DLGAP2: variants seen among roughly 807,000 people sequenced by gnomAD.
DLGAP2 encodes disks large-associated protein 2.
In DLGAP2, 26 loss-of-function variants were observed where a neutral mutation model predicts 100.3. The observed-to-expected ratio is 0.26, with a 90% CI of 0.19 to 0.36. The LOEUF (loss-of-function observed/expected upper bound fraction) is 0.36. DLGAP2 is among the 10% of genes least tolerant of loss of function. The pLI is 1.00. For missense variants in DLGAP2, 1,858 were observed against 1,453.2 expected, an observed-to-expected ratio of 1.28 and a Z score of -4.53; for synonymous variants, 886 against 630.1, an observed-to-expected ratio of 1.41 and a Z score of -6.08.
At chr8:1,546,156 G>A (rs1429832512) in intron 4 of DLGAP2, among the ~76,000 whole-genome samples, 1 of 152,134 alleles carries the variant, frequency 6.6e-6, no homozygotes, top group Non-Finnish European at 1.5e-5. Context: ...TTTGAGAAAG[G>A]AAGACGCCGC....
At chr8:1,184,856 C>G (rs1432444190) in intron 2 of DLGAP2, among the ~76,000 whole-genome samples, 1 of 152,154 alleles carries the variant, frequency 6.6e-6, no homozygotes, top group Non-Finnish European at 1.5e-5. Context: ...AATCTCCATG[C>G]CAGTTAAGGA....
chr8:1,479,632 A>G (rs534910317), intron 3 of DLGAP2, among the ~76,000 whole-genome samples: 2 of 152,194 alleles, frequency 1.3e-5, no homozygotes, highest in African/African-American at 2.4e-5. Flanking sequence ...TTGCTCTTTC[A>G]TTTCGGTGAG....
chr8:1,623,575 CCTGACACCAGTGTGT>C (rs1797409366), intron 6 of DLGAP2, among the ~76,000 whole-genome samples: 4 of 151,610 alleles, frequency 2.6e-5, no homozygotes, highest in Non-Finnish European at 2.9e-5. Flanking sequence ...TGCGTGATGA[CCTGACACCAGTGTGT>C]GATGACCTGG....
At chr8:898,052 GA>G (rs2128996857) in intron 1 of DLGAP2, among the ~76,000 whole-genome samples, 1 of 152,176 alleles carries the variant, frequency 6.6e-6, no homozygotes, top group African/African-American at 2.4e-5. Flanking sequence ...AAGTGGGTTG[GA>G]AAATGAATGA....
chr8:1,165,849 G>C (rs1482000483), intron 2 of DLGAP2, among the ~76,000 whole-genome samples: 3 of 147,786 alleles, frequency 2.0e-5, no homozygotes, highest in Admixed American at 1.4e-4. Context: ...TCCCACGTTA[G>C]ATTTAAGGGA....
At chr8:1,237,556 C>T (rs1432546928) in intron 2 of DLGAP2, among the ~76,000 whole-genome samples, 4 of 132,306 alleles carry the variant, frequency 3.0e-5, no homozygotes, top group East Asian at 4.7e-4. Context: ...CACATGGCGC[C>T]GTGTCTAGTT....
At chr8:750,910 T>G (rs1044771255) in intron 1 of DLGAP2, among the ~76,000 whole-genome samples, 2 of 152,270 alleles carry the variant, frequency 1.3e-5, no homozygotes, top group African/African-American at 4.8e-5. Context: ...TCCGAAATAT[T>G]TGTCACTGGG....
intron 3 of DLGAP2, among the ~76,000 whole-genome samples, chr8:1,480,886 G>A (rs934435778): frequency 1.3e-4 from 20 of 150,778 alleles, no homozygotes; most frequent in African/African-American, 4.9e-4. Flanking sequence ...GAAAAGAAAA[G>A]AAAAGGCTGG....
chr8:1,566,418 A>T (rs1802403191), intron 6 of DLGAP2, among the ~76,000 whole-genome samples: 1 of 152,208 alleles, frequency 6.6e-6, no homozygotes, highest in Non-Finnish European at 1.5e-5. Flanking sequence ...TTAATTTTGA[A>T]AATATAGACA....
intron 3 of DLGAP2, among the ~76,000 whole-genome samples, chr8:1,501,051 T>C (rs1445750705): frequency 6.6e-6 from 1 of 152,124 alleles, no homozygotes; most frequent in Admixed American, 6.5e-5. Context: ...TCTGTTCCAA[T>C]GCAAATAAGG....
At chr8:1,272,947 G>A (rs529492257) in intron 3 of DLGAP2, among the ~76,000 whole-genome samples, 92 of 152,272 alleles carry the variant, frequency 6.0e-4, no homozygotes, top group African/African-American at 2.0e-3. Context: ...CTTCTGTGCC[G>A]TGGGTTATGG....
intron 2 of DLGAP2, among the ~76,000 whole-genome samples, chr8:1,182,978 C>T (rs369171511): frequency 1.3e-5 from 2 of 152,176 alleles, no homozygotes; most frequent in South Asian, 2.1e-4. Flanking sequence ...GGTAGACATT[C>T]GAGCGAGCTG....
chr8:967,395 G>A (rs1473907584), intron 2 of DLGAP2, among the ~76,000 whole-genome samples: 1 of 152,184 alleles, frequency 6.6e-6, no homozygotes, highest in African/African-American at 2.4e-5. Context: ...GGTTTTGAGA[G>A]TGAGTAGATT....
intron 3 of DLGAP2, among the ~76,000 whole-genome samples, chr8:1,432,690 T>C (rs1211904356): frequency 2.0e-5 from 3 of 152,246 alleles, no homozygotes; most frequent in Admixed American, 2.0e-4. Context: ...TCTGTGTCTG[T>C]CATGTCGGCA....
At chr8:1,180,281 C>T (rs1011252219) in intron 2 of DLGAP2, among the ~76,000 whole-genome samples, 8 of 152,168 alleles carry the variant, frequency 5.3e-5, no homozygotes, top group South Asian at 2.1e-4. Flanking sequence ...GCCAGTCAGA[C>T]GTGGAACTCT....
chr8:1,102,662 T>C (rs1804623483), intron 2 of DLGAP2, among the ~76,000 whole-genome samples: 2 of 152,204 alleles, frequency 1.3e-5, no homozygotes, highest in African/African-American at 4.8e-5. Flanking sequence ...CACTCGCCTC[T>C]GTGGCAAGGG....
In DLGAP2 at chr8:762,257, C is replaced by G. The variant is rs77948726; in HGVS notation, c.18+24432C>G. Among the ~76,000 whole-genome samples the G allele has an allele frequency of 1.6e-3, 246 of 152,276 alleles. 6 individuals are homozygous for G. The East Asian group carries it at 0.044, about 27-fold the overall frequency. On this transcript the variant is annotated intron_variant, in intron 1 of 14. Coordinates refer to ENST00000637795, the MANE Select transcript of DLGAP2 (RefSeq NM_001346810.2). ...CTTACCATGAAGTGGTAGCAGTTTA[C>G]TTTTTATGTGCAACTTATTACCAAC...
intron 1 of DLGAP2, among the ~76,000 whole-genome samples, chr8:749,371 G>A (rs1375904028): frequency 1.3e-5 from 2 of 152,074 alleles, no homozygotes; most frequent in East Asian, 1.9e-4. Flanking sequence ...CAATAATTCC[G>A]TGACCTAGAA....
At chr8:1,417,611 A>C (rs1796940425) in intron 3 of DLGAP2, among the ~76,000 whole-genome samples, 1 of 20,842 alleles carries the variant, frequency 4.8e-5, no homozygotes, top group Non-Finnish European at 1.0e-4. Flanking sequence ...GCTCAGAAGG[A>C]CTTCACTGCG....
Sources: gnomAD v4.1 joint callset for allele counts (sites outside exome capture counted in the v4.1 genomes callset) on GRCh38, gnomAD v4.1.1 for gene constraint, MANE v1.5 for transcripts, NCBI Gene and HGNC (gene_info 2026-07-23, HGNC 2026-07-21) for gene names.